Variants in SCN7A observed in about 807,000 individuals in gnomAD.
The protein encoded by SCN7A is sodium voltage-gated channel alpha subunit 7.
In SCN7A, 138 loss-of-function variants were observed where a neutral mutation model predicts 155.2. The ratio of observed to expected loss-of-function variants is 0.89; its 90% CI spans 0.77 to 1.02. The LOEUF (loss-of-function observed/expected upper bound fraction) is 1.02, where lower values mean the gene tolerates loss of function less well. SCN7A is among the 50% of genes least tolerant of loss of function. The pLI is 0.00. For synonymous variants in SCN7A, 693 were observed against 649.0 expected (o/e 1.07, Z -1.03); for missense variants, 2,058 against 1,986.6 (o/e 1.04, Z -0.68).
chr2:166,458,174 A>T (rs1183031133), intron 10 of SCN7A, among the ~76,000 whole-genome samples: 2 of 152,084 alleles, frequency 1.3e-5, no homozygotes, highest in Admixed American at 6.6e-5. Flanking sequence ...AAAAATACAA[A>T]AAAAATAGCT....
intron 1 of SCN7A, among the ~76,000 whole-genome samples, chr2:166,488,547 T>C (rs1261486741): frequency 1.3e-5 from 2 of 152,104 alleles, no homozygotes; most frequent in African/African-American, 4.8e-5. Flanking sequence ...CAGGCTGGGA[T>C]ATGGAGGCAA....
At chr2:166,483,686 A>G (rs1702981563) in intron 2 of SCN7A, among the ~76,000 whole-genome samples, 2 of 151,894 alleles carry the variant, frequency 1.3e-5, no homozygotes, top group African/African-American at 4.8e-5. Flanking sequence ...AATGAAGGAA[A>G]GTGCTGGTTA....
chr2:166,449,569 T>A (rs572283763), intron 11 of SCN7A, among the ~76,000 whole-genome samples: 1 of 152,222 alleles, frequency 6.6e-6, no homozygotes, highest in African/African-American at 2.4e-5. Flanking sequence ...CTGTGTTTCC[T>A]CAGACCAGCG....
At chr2:166,450,618 A>AC (rs1382428661) in intron 11 of SCN7A, among the ~76,000 whole-genome samples, 7 of 152,072 alleles carry the variant, frequency 4.6e-5, no homozygotes, top group African/African-American at 1.7e-4. Context: ...ACATGGTGAA[A>AC]CCCCGTCTCT....
At chr2:166,438,670 G>C (rs887479162) in intron 15 of SCN7A, among the ~76,000 whole-genome samples, 1 of 152,062 alleles carries the variant, frequency 6.6e-6, no homozygotes, top group African/African-American at 2.4e-5. Flanking sequence ...ACCCACATTA[G>C]AAGTGTGGAG....
chr2:166,473,971 A>G, intron 4 of SCN7A, 83 bp from the exon 5 acceptor site: 1 of 728,756 alleles, frequency 1.4e-6, no homozygotes, highest in Non-Finnish European at 2.2e-6. Flanking sequence ...TAAATGTTGA[A>G]AAATATTAAT....
intron 2 of SCN7A, among the ~76,000 whole-genome samples, chr2:166,486,172 T>TGATTAA (rs1703042097): frequency 6.6e-6 from 1 of 152,204 alleles, no homozygotes; most frequent in African/African-American, 2.4e-5. Flanking sequence ...CTGACCTCCT[T>TGATTAA]GAGTATCCTC....
chr2:166,461,044 TTTTC>T (rs1374983332), intron 10 of SCN7A, among the ~76,000 whole-genome samples: 52 of 123,260 alleles, frequency 4.2e-4, no homozygotes, highest in African/African-American at 1.5e-3. Flanking sequence ...ACTTGTAATA[TTTTC>T]TTTTTTTTTT....
chr2:166,409,678 A>T lies in SCN7A; in HGVS notation c.3969T>A (p.Ile1323=). Residue 1323 remains isoleucine, a synonymous_variant, in exon 25 of 26, where the codon ATT becomes ATA. Transcript: ENST00000643258. ...AWNIFDFMVV[I]FSITGLCLPM... is the part of the protein sequence containing the mutation. ...ACAAAATCTTACCTGTGATGGAGAAAATAACCACCATAAAATCAAAAATGT... is the reference window on the plus strand; with the variant it reads ...ACAAAATCTTACCTGTGATGGAGAATATAACCACCATAAAATCAAAAATGT... 6.6e-7 allele frequency: 1 copy of T among 1,516,176 alleles called. No homozygotes were observed. The allele number at this position is 1,516,176 out of a possible 1,614,324, so 93.9% of individuals were successfully genotyped here.
intron 3 of SCN7A, among the ~76,000 whole-genome samples, chr2:166,475,104 G>GTATATATACATATATACATATATACGTA (rs1702758426): frequency 1.2e-5 from 1 of 86,026 alleles, no homozygotes; most frequent in African/African-American, 3.8e-5. Context: ...ACATATATAT[G>GTATATATACATATATACATATATACGTA]TATATATATA....
intron 2 of SCN7A, among the ~76,000 whole-genome samples, chr2:166,483,150 T>C (rs1463551202): frequency 5.9e-5 from 9 of 151,984 alleles, no homozygotes. Flanking sequence ...TGAATGTCAG[T>C]TGAAATTTGC....
chr2:166,415,373 C>T (rs184268699), intron 21 of SCN7A, among the ~76,000 whole-genome samples: 185 of 151,732 alleles, frequency 1.2e-3, no homozygotes, highest in African/African-American at 2.8e-3. Context: ...TACAGGTATG[C>T]GACACTCCAC....
intron 21 of SCN7A, among the ~76,000 whole-genome samples, chr2:166,413,720 A>G (rs764314342): frequency 1.3e-5 from 2 of 151,700 alleles, no homozygotes; most frequent in African/African-American, 2.4e-5. Context: ...TGGTGGACAC[A>G]ATCTAATCAG....
In SCN7A at chr2:166,423,260, A is replaced by G. The variant is rs575811754; in HGVS notation, c.3026T>C (p.Ile1009Thr). 6.2e-6 allele frequency: 10 copies of G among 1,600,938 alleles called. No homozygotes were observed. Among genetic ancestry groups the G allele is most frequent in the South Asian group, 2.3e-5 (2 of 87,782 alleles). ...GWYRLDFVVV[I>T]VFCLSLIGKT... ...TTTCATTTTCTTTAAAATACGTACA[A>G]TAACAACCACGAAGTCCAGCCTGTA... Residue 1009 changes from isoleucine to threonine, a missense_variant and splice_region_variant, in exon 19 of 26, where the codon ATT (isoleucine) becomes ACT (threonine). Physicochemically the swap from Ile to Thr is moderately conservative, Grantham distance 89 (BLOSUM62 -1). Coordinates refer to ENST00000643258, the MANE Select transcript of SCN7A (RefSeq NM_002976.4).
rs894298425 is a variant in SCN7A, at chr2:166,423,548, A to G, written c.2854-116T>C. ...ATAGGCATATGGTGAGCACTGTCAG[A>G]GATTGTAGGCTCCAGGGCTGGTTCA... is the stretch of plus-strand genomic sequence containing the variant. On this transcript the variant is annotated intron_variant, in intron 18 of 25. Transcript: ENST00000643258. 1.2e-5 allele frequency: 14 copies of G among 1,155,594 alleles called. No homozygotes were observed. The African/African-American group carries it at 2.1e-4, about 17-fold the overall frequency. 71.6% of individuals were successfully genotyped at this position (1,155,594 alleles called of 1,614,324 possible).
intron 14 of SCN7A, among the ~76,000 whole-genome samples, chr2:166,443,299 A>C: frequency 6.6e-6 from 1 of 152,162 alleles, no homozygotes. Flanking sequence ...CCTATATGGC[A>C]TTATTTCTTT....
Position 166,447,723 on chromosome 2 carries a change from G to A in SCN7A, c.1291-15C>T, listed in dbSNP as rs372093707. ...ATGGTCTTGGCCTGAAAAGGAATTT[G>A]ATGGTTTAATACTGGCTTCCTGTCT... is the stretch of plus-strand genomic sequence containing the variant. On this transcript the variant is annotated splice_polypyrimidine_tract_variant and intron_variant, in intron 11 of 25. Transcript: ENST00000643258. The A allele has an allele frequency of 1.3e-4, 209 of 1,586,466 alleles. 1 individual carries two copies. In the Middle Eastern group the frequency reaches 2.2e-3, roughly 16 times the overall value.
intron 22 of SCN7A, 42 bp downstream of exon 22, chr2:166,413,026 G>C: frequency 7.3e-7 from 1 of 1,368,644 alleles, no homozygotes; most frequent in Non-Finnish European, 1.0e-6. Flanking sequence ...AAATGACTTT[G>C]CTTGTATCCT....
chr2:166,420,202 A>G (rs1353326526), intron 20 of SCN7A, among the ~76,000 whole-genome samples: 2 of 152,078 alleles, frequency 1.3e-5, no homozygotes, highest in African/African-American at 4.8e-5. Flanking sequence ...TCCACATTTC[A>G]CCAAGTGGAA....
Sources: gnomAD v4.1 joint callset for allele counts (sites outside exome capture counted in the v4.1 genomes callset) on GRCh38, gnomAD v4.1.1 for gene constraint, MANE v1.5 for transcripts, NCBI Gene and HGNC (gene_info 2026-07-23, HGNC 2026-07-21) for gene names.